PCDHGA10: variants seen among roughly 807,000 people sequenced by gnomAD.
PCDHGA10 encodes protocadherin gamma-A10.
In PCDHGA10, 42 loss-of-function variants were observed where a neutral mutation model predicts 59.5. That is an observed-to-expected ratio of 0.71 (90% CI 0.55 to 0.91). The LOEUF is 0.91. Ranked by LOEUF, PCDHGA10 falls within the 40% of genes least tolerant of loss-of-function variation. PCDHGA10 has a pLI of 0.00. For missense variants in PCDHGA10, 1,111 were observed against 1,198.2 expected, an observed-to-expected ratio of 0.93 and a Z score of 1.07; for synonymous variants, 511 against 517.2, an observed-to-expected ratio of 0.99 and a Z score of 0.16.
intron 1 of PCDHGA10, chr5:141,430,946 G>C: frequency 6.2e-7 from 1 of 1,609,494 alleles, no homozygotes. Context: ...CGCGGAGCGC[G>C]GAGTCCGCAT....
chr5:141,511,003 G>T lies in PCDHGA10; in HGVS notation c.2641G>T (p.Ala881Ser), dbSNP rs114669158. ...GGGAGTMGLS[A>S]RYGPQFTLQH... The stretch of plus-strand genomic sequence containing the variant: ...GGGTGCCGGCACCATGGGATTGAGC[G>T]CCCGCTACGGACCCCAGTTCACCCT... Residue 881 changes from alanine to serine, a missense_variant, in exon 4 of 4, where the codon GCC (alanine) becomes TCC (serine). Coordinates refer to ENST00000398610, the MANE Select transcript of PCDHGA10 (RefSeq NM_018913.3). 2 of 1,614,032 alleles carry T rather than the reference G, an allele frequency of 1.2e-6. No individual in the cohort carries two copies. Among genetic ancestry groups the T allele is most frequent in the Non-Finnish European group, 1.7e-6 (2 of 1,180,020 alleles).
At chr5:141,510,134 C>T (rs1273076437) in intron 3 of PCDHGA10, among the ~76,000 whole-genome samples, 1 of 152,064 alleles carries the variant, frequency 6.6e-6, no homozygotes, top group East Asian at 1.9e-4. Context: ...ATTAGCTGGG[C>T]TAGTGGTGTG....
At chr5:141,481,210 G>A (rs1351826116) in intron 1 of PCDHGA10, among the ~76,000 whole-genome samples, 2 of 152,128 alleles carry the variant, frequency 1.3e-5, no homozygotes, top group Admixed American at 1.3e-4. Context: ...TAAAAAACAT[G>A]GTAAGGTCTC....
chr5:141,494,843 G>T lies in PCDHGA10; in HGVS notation c.2473G>T (p.Ala825Ser). The T allele has an allele frequency of 6.2e-7, 1 of 1,614,088 alleles. No individual in the cohort carries two copies. The highest frequency in any genetic ancestry group is 8.5e-7 in the Non-Finnish European group (1 of 1,180,006). ...PPNTDWRFSQ[A>S]QRPGTSGSQN... Reference sequence around the variant, plus strand: ...CAACACGGACTGGCGTTTCTCTCAGGCCCAGAGACCCGGCACCAGCGGGTA... The same window carrying T: ...CAACACGGACTGGCGTTTCTCTCAGTCCCAGAGACCCGGCACCAGCGGGTA... Residue 825 changes from alanine (A) to serine (S), a missense_variant, in exon 2 of 4, where the codon GCC becomes TCC. Transcript: ENST00000398610.
Position 141,420,177 on chromosome 5 carries a change from A to G in PCDHGA10, c.2436+4566A>G, listed in dbSNP as rs1188698450. The G allele has an allele frequency of 2.5e-6, 4 of 1,613,992 alleles. No homozygotes were observed. Among genetic ancestry groups the G allele is most frequent in the South Asian group, 2.2e-5 (2 of 91,086 alleles). ...TTTAATTTTTTCACATCTGTTGATC[A>G]TTGTCCAGCCACACAAGATAACCTC... On this transcript the variant is annotated intron_variant, in intron 1 of 3. Coordinates refer to ENST00000398610, the MANE Select transcript of PCDHGA10 (RefSeq NM_018913.3).
intron 3 of PCDHGA10, among the ~76,000 whole-genome samples, chr5:141,510,584 C>T (rs2099881791): frequency 1.3e-5 from 2 of 152,184 alleles, no homozygotes. Flanking sequence ...TTTTACGTAC[C>T]TGACATACAT....
intron 1 of PCDHGA10, among the ~76,000 whole-genome samples, chr5:141,442,917 G>A (rs1041756930): frequency 6.6e-6 from 1 of 152,178 alleles, no homozygotes; most frequent in Non-Finnish European, 1.5e-5. Context: ...GCACACAACT[G>A]TTTCATTTTC....
intron 1 of PCDHGA10, chr5:141,421,294 A>G (rs779984795): frequency 1.9e-6 from 3 of 1,613,304 alleles, no homozygotes; most frequent in Non-Finnish European, 2.5e-6. Context: ...TTTCCTGGGG[A>G]CGCTGCGGGG....
Position 141,413,651 on chromosome 5 carries a change from C to T in PCDHGA10, c.476C>T (p.Pro159Leu), listed in dbSNP as rs377135032. Residue 159 changes from proline to leucine, a missense_variant, in exon 1 of 4, where the codon CCG (proline) becomes CTG (leucine). Pro to Leu is a moderately conservative substitution (Grantham distance 98, BLOSUM62 -3). Coordinates refer to ENST00000398610, the MANE Select transcript of PCDHGA10 (RefSeq NM_018913.3). ...NVAAGMRFPLPEAIDPDVGVN... is the reference protein window; with the variant it reads ...NVAAGMRFPLLEAIDPDVGVN... The stretch of plus-strand genomic sequence containing the variant: ...GCTGCGGGAATGCGTTTTCCTCTCC[C>T]GGAAGCTATTGATCCGGATGTGGGC... 16 of 1,613,658 alleles carry T rather than the reference C, an allele frequency of 9.9e-6. No individual in the cohort carries two copies. Among genetic ancestry groups the T allele is most frequent in the Non-Finnish European group, 8.5e-6 (10 of 1,179,878 alleles).
intron 1 of PCDHGA10, 129 bp downstream of exon 1, chr5:141,415,740 G>GTGT: frequency 1.6e-6 from 1 of 617,992 alleles, no homozygotes; most frequent in Non-Finnish European, 2.1e-6. Context: ...GTTTATTAAG[G>GTGT]TTTTTTTTTT....
chr5:141,487,356 C>T lies in PCDHGA10; in HGVS notation c.2437-7451C>T. 6.2e-7 allele frequency: 1 copy of T among 1,614,220 alleles called. No individual in the cohort carries two copies. The highest frequency in any genetic ancestry group is 8.5e-7 in the Non-Finnish European group (1 of 1,180,042). ...GCCTGTGGAGTCACATGCTTTCCTG[C>T]TGGCACCTGTGCCTGTCTCACCAGA... On this transcript the variant is annotated intron_variant, in intron 1 of 3. Transcript: ENST00000398610. This position sits in a 1 kb window ranked among gnomAD's most constrained non-coding sequence, Gnocchi z 5.0.
chr5:141,495,005 C>A, intron 2 of PCDHGA10, 140 bp downstream of exon 2: 1 of 1,522,810 alleles, frequency 6.6e-7, no homozygotes. Context: ...TCTTGGTGTG[C>A]GGGGGGCTGG....
intron 1 of PCDHGA10, among the ~76,000 whole-genome samples, chr5:141,457,015 A>T (rs1216403373): frequency 6.6e-6 from 1 of 152,182 alleles, no homozygotes; most frequent in Admixed American, 6.5e-5. Context: ...AATCCAATAA[A>T]AAGTCCTAGT....
At chr5:141,484,176 A>G (rs1044076131) in intron 1 of PCDHGA10, among the ~76,000 whole-genome samples, 1 of 152,236 alleles carries the variant, frequency 6.6e-6, no homozygotes, top group East Asian at 1.9e-4. Context: ...GCTGATCTCA[A>G]TCATTCAAGG....
rs531285035 is a variant in PCDHGA10, at chr5:141,493,409, C to T, written c.2437-1398C>T. Among the ~76,000 whole-genome samples, 4 of 152,286 alleles carry T rather than the reference C, an allele frequency of 2.6e-5. No homozygotes were observed. The East Asian group carries it at 7.7e-4, about 29-fold the overall frequency. On this transcript the variant is annotated intron_variant, in intron 1 of 3. Coordinates refer to ENST00000398610, the MANE Select transcript of PCDHGA10 (RefSeq NM_018913.3). The surrounding 1 kb of genome is among the most constrained non-coding windows in gnomAD (Gnocchi z 4.3). Reference sequence around the variant, plus strand: ...GGACAGGAGAGGGGAGTTGCCTCTGCTGGGATTTTGCTTCTGCTGGGATGG... The same window carrying T: ...GGACAGGAGAGGGGAGTTGCCTCTGTTGGGATTTTGCTTCTGCTGGGATGG...
Position 141,475,063 on chromosome 5 carries a change from C to T in PCDHGA10, c.2437-19744C>T, listed in dbSNP as rs552623067. Among the ~76,000 whole-genome samples the T allele has an allele frequency of 1.1e-4, 16 of 152,320 alleles. No individual in the cohort carries two copies. The South Asian group carries it at 2.9e-3, about 28-fold the overall frequency. The stretch of plus-strand genomic sequence containing the variant: ...TTGTATTTTCTAAAGATTTGTGGAG[C>T]TTTGCTGCCATTATTTCAATAATTT... On this transcript the variant is annotated intron_variant, in intron 1 of 3. Coordinates refer to ENST00000398610, the MANE Select transcript of PCDHGA10 (RefSeq NM_018913.3).
chr5:141,485,278 C>T lies in PCDHGA10; in HGVS notation c.2437-9529C>T. On this transcript the variant is annotated intron_variant, in intron 1 of 3. Transcript: ENST00000398610. The surrounding 1 kb of genome is among the most constrained non-coding windows in gnomAD (Gnocchi z 5.7). ...TTTGTGGGCAGATCCGCTACCCGGTCCCAGAGGAGTCACAGGAAGGGACTT... is the reference window on the plus strand; with the variant it reads ...TTTGTGGGCAGATCCGCTACCCGGTTCCAGAGGAGTCACAGGAAGGGACTT... 1 of 1,614,064 alleles carries T rather than the reference C, an allele frequency of 6.2e-7. No homozygotes were observed. The highest frequency in any genetic ancestry group is 1.1e-5 in the South Asian group (1 of 91,080).
chr5:141,455,283 C>G (rs1225185590), intron 1 of PCDHGA10, among the ~76,000 whole-genome samples: 1 of 152,000 alleles, frequency 6.6e-6, no homozygotes, highest in East Asian at 1.9e-4. Context: ...ATTAACATCA[C>G]TTTACATAGT....
At position 141,431,897 on chromosome 5, in the gene PCDHGA10, G is replaced by C. The variant is rs1591112104; in HGVS notation, c.2436+16286G>C. 6.2e-7 allele frequency: 1 copy of C among 1,613,830 alleles called. No homozygotes were observed. The highest frequency in any genetic ancestry group is 8.5e-7 in the Non-Finnish European group (1 of 1,179,704). ...AAATGACCAAGATTCTGAGGAAAAC[G>C]GACAGGTGATCTGTTTCATCCAAGG... On this transcript the variant is annotated intron_variant, in intron 1 of 3. Coordinates refer to ENST00000398610, the MANE Select transcript of PCDHGA10 (RefSeq NM_018913.3). The surrounding 1 kb of genome is among the most constrained non-coding windows in gnomAD (Gnocchi z 4.8).
Sources: allele counts gnomAD v4.1 joint callset (sites outside exome capture counted in the v4.1 genomes callset), GRCh38; gene constraint gnomAD v4.1.1; non-coding constraint Gnocchi (gnomAD v3.1); transcripts MANE v1.5; gene names NCBI Gene and HGNC (gene_info 2026-07-23, HGNC 2026-07-21).